The following NHS variants were observed in gnomAD, a reference collection of about 807,000 sequenced individuals.
NHS encodes NHS actin remodeling regulator.
A neutral mutation model predicts 72.5 loss-of-function variants in NHS; 5 were observed. The ratio of observed to expected loss-of-function variants is 0.07; its 90% CI spans 0.04 to 0.14. The LOEUF (loss-of-function observed/expected upper bound fraction) is 0.14, where lower values mean the gene tolerates loss of function less well. Among genes scored for constraint, NHS ranks in the 10% least tolerant of loss-of-function variants. The pLI, the probability that NHS is intolerant of heterozygous loss-of-function variation, is 1.00. For synonymous variants in NHS, 464 were observed against 547.7 expected (o/e 0.85, Z 2.13); for missense variants, 1,072 against 1,355.7 (o/e 0.79, Z 3.29).
intron 1 of NHS, among the ~76,000 whole-genome samples, chrX:17,433,099 G>A (rs903806177): frequency 9.2e-6 from 1 of 108,413 alleles, no homozygotes; most frequent in African/African-American, 3.4e-5. Context: ...GCGCAATCTC[G>A]GCTCACTGCA....
chrX:17,497,961 C>A (rs1315139499), intron 1 of NHS, among the ~76,000 whole-genome samples: 2 of 111,877 alleles, frequency 1.8e-5, no homozygotes, highest in Non-Finnish European at 3.8e-5. Context: ...GGATCTCAAT[C>A]TTTTGTACAC....
chrX:17,378,059 C>CGTGTGTGTGTGTGTGTGTGT (rs34807039), intron 1 of NHS, among the ~76,000 whole-genome samples: 1,628 of 101,015 alleles, frequency 0.016, 30 homozygotes, highest in African/African-American at 0.045. Flanking sequence ...ATACATTTCC[C>CGTGTGTGTGTGTGTGTGTGT]GTGTGTGTGT....
intron 1 of NHS, among the ~76,000 whole-genome samples, chrX:17,514,909 TG>T (rs1289894649): frequency 9.0e-6 from 1 of 111,271 alleles, no homozygotes; most frequent in Non-Finnish European, 1.9e-5. Context: ...CAGAAATGTG[TG>T]GGGGGGCAGA....
At chrX:17,467,466 C>A (rs181055536) in intron 1 of NHS, among the ~76,000 whole-genome samples, 1 of 111,340 alleles carries the variant, frequency 9.0e-6, no homozygotes, top group Non-Finnish European at 1.9e-5. Context: ...AATGGAGGGC[C>A]ATGGAGAGGT....
chrX:17,505,581 G>A (rs1158559144), intron 1 of NHS, among the ~76,000 whole-genome samples: 5 of 109,892 alleles, frequency 4.5e-5, no homozygotes, highest in Non-Finnish European at 9.5e-5. Context: ...TACAGATTAC[G>A]CCTTCTTATT....
rs1487652155 is a variant in NHS, at chrX:17,634,202, T to C, written c.566-53540T>C. Among the ~76,000 whole-genome samples the C allele has an allele frequency of 1.2e-4, 13 of 112,216 alleles. No individual in the cohort carries two copies. The Admixed American group carries it at 1.2e-3, about 11-fold the overall frequency. ...AGGTTCCAGCCAGACTTTCTGTTGA[T>C]CTGGGCTGTCTTAATGCATCCCAGA... On this transcript the variant is annotated intron_variant, in intron 1 of 8. Coordinates refer to ENST00000676302, the MANE Select transcript of NHS (RefSeq NM_001291867.2).
At chrX:17,656,720 G>A (rs2065958619) in intron 1 of NHS, among the ~76,000 whole-genome samples, 1 of 112,387 alleles carries the variant, frequency 8.9e-6, no homozygotes, top group Non-Finnish European at 1.9e-5. Flanking sequence ...GGGGCGGGGC[G>A]GCACTTTCCC....
intron 1 of NHS, among the ~76,000 whole-genome samples, chrX:17,680,293 T>C (rs185374815): frequency 8.9e-6 from 1 of 112,248 alleles, no homozygotes; most frequent in Admixed American, 9.4e-5. Context: ...CTGAGGGAAG[T>C]GCATGGGCCT....
intron 1 of NHS, among the ~76,000 whole-genome samples, chrX:17,458,884 T>C (rs1433137707): frequency 8.9e-6 from 1 of 112,254 alleles, no homozygotes; most frequent in Non-Finnish European, 1.9e-5. Context: ...GGAGCAGTGC[T>C]ACTCTAAGTT....
At chrX:17,419,362 T>C (rs1301015628) in intron 1 of NHS, among the ~76,000 whole-genome samples, 1 of 112,609 alleles carries the variant, frequency 8.9e-6, no homozygotes, top group Non-Finnish European at 1.9e-5. Flanking sequence ...CATAAACTTC[T>C]ACCGTCTAGT....
chrX:17,591,252 T>C (rs2065601518), intron 1 of NHS, among the ~76,000 whole-genome samples: 1 of 111,939 alleles, frequency 8.9e-6, no homozygotes, highest in Non-Finnish European at 1.9e-5. Context: ...CAATAGAATC[T>C]GTGCTCTAGG....
At chrX:17,611,941 T>C (rs2065713417) in intron 1 of NHS, among the ~76,000 whole-genome samples, 1 of 111,713 alleles carries the variant, frequency 9.0e-6, no homozygotes, top group Admixed American at 9.5e-5. Flanking sequence ...TAAAGAACTT[T>C]TGGTAAAGCA....
At chrX:17,378,052 C>T (rs2064355618) in intron 1 of NHS, among the ~76,000 whole-genome samples, 1 of 66,435 alleles carries the variant, frequency 1.5e-5, no homozygotes, top group African/African-American at 8.6e-5. Flanking sequence ...GTGGTGCATA[C>T]ATTTCCCGTG....
At chrX:17,582,519 C>T (rs1161598575) in intron 1 of NHS, among the ~76,000 whole-genome samples, 1 of 112,168 alleles carries the variant, frequency 8.9e-6, no homozygotes, top group Non-Finnish European at 1.9e-5. Context: ...GGAACTGCTC[C>T]TCTGGTGGCT....
intron 1 of NHS, among the ~76,000 whole-genome samples, chrX:17,380,111 A>G (rs2064369025): frequency 8.9e-6 from 1 of 111,926 alleles, no homozygotes; most frequent in South Asian, 3.7e-4. Context: ...AGGCTGAGAA[A>G]GGACAGCCAG....
chrX:17,719,510 C>A (rs1313180280), intron 4 of NHS, 104 bp downstream of exon 4: 1 of 625,681 alleles, frequency 1.6e-6, no homozygotes, highest in Non-Finnish European at 2.4e-6. Context: ...TTGTTTCTAA[C>A]TAACGGTTTT....
At chrX:17,597,150 T>C (rs1327615117) in intron 1 of NHS, among the ~76,000 whole-genome samples, 1 of 101,933 alleles carries the variant, frequency 9.8e-6, no homozygotes, top group Middle Eastern at 4.9e-3. Context: ...TACGGAGTCT[T>C]GCTCTGTCAC....
At chrX:17,460,146 T>C (rs899371380) in intron 1 of NHS, among the ~76,000 whole-genome samples, 2 of 112,060 alleles carry the variant, frequency 1.8e-5, no homozygotes, top group Non-Finnish European at 3.8e-5. Context: ...CCAAGTACAA[T>C]GTTTATTTAT....
intron 1 of NHS, among the ~76,000 whole-genome samples, chrX:17,425,483 C>A (rs2064648857): frequency 1.4e-5 from 1 of 70,341 alleles, no homozygotes; most frequent in African/African-American, 5.4e-5. Context: ...AGAACTTTTC[C>A]TGATGAGTTG....
Sources: gnomAD v4.1 joint callset for allele counts (sites outside exome capture counted in the v4.1 genomes callset) on GRCh38, gnomAD v4.1.1 for gene constraint, MANE v1.5 for transcripts, NCBI Gene and HGNC (gene_info 2026-07-23, HGNC 2026-07-21) for gene names.